The following H4C15 variants were observed in gnomAD, a reference collection of about 807,000 sequenced individuals.
The protein encoded by H4C15 is histone H4.
chr1:149,850,699 T>C (rs1456842649), downstream of H4C15: 2 of 347,962 alleles, frequency 5.7e-6, no homozygotes, highest in Non-Finnish European at 9.8e-6. Context: ...TCTTGCCGTC[T>C]TTCTTCTGGG....
the H4C15 span, chr1:149,848,185 A>G: frequency 6.6e-6 from 1 of 152,212 alleles, no homozygotes; most frequent in East Asian, 1.9e-4. Flanking sequence ...TTAGTCAAGT[A>G]TTAACATTTG....
chr1:149,847,436 G>A, the H4C15 span: 1 of 152,254 alleles, frequency 6.6e-6, no homozygotes, highest in African/African-American at 2.4e-5. Context: ...TTGGAAACAG[G>A]GTCTTTACAG....
At chr1:149,846,038 G>A in the H4C15 span, 4 of 152,026 alleles carry the variant, frequency 2.6e-5, no homozygotes, top group Admixed American at 2.0e-4. Flanking sequence ...AGAGAAGGGG[G>A]TTAGGTTTGT....
chr1:149,849,225 C>A (rs2092158451), downstream of H4C15, among the ~76,000 whole-genome samples: 1 of 152,210 alleles, frequency 6.6e-6, no homozygotes, highest in Non-Finnish European at 1.5e-5. Flanking sequence ...TCCAGCATGT[C>A]ATTTATCCGT....
chr1:149,844,828 A>C, the H4C15 span: 25 of 152,200 alleles, frequency 1.6e-4, no homozygotes, highest in African/African-American at 5.5e-4. Context: ...AAAGCTTTTC[A>C]AAGCTTCATC....
chr1:149,847,257 C>G, the H4C15 span: 1 of 152,156 alleles, frequency 6.6e-6, no homozygotes, highest in Admixed American at 6.5e-5. Context: ...CTGCAAAATC[C>G]TCTTGGCTAT....
At chr1:149,844,702 A>T in the H4C15 span, 6 of 152,046 alleles carry the variant, frequency 3.9e-5, no homozygotes, top group African/African-American at 1.5e-4. Flanking sequence ...AATCCCAAAT[A>T]GTATCTTCCA....
the H4C15 span, chr1:149,847,886 A>T: frequency 2.0e-5 from 3 of 152,234 alleles, no homozygotes; most frequent in Non-Finnish European, 4.4e-5. Flanking sequence ...GAAACCAAAG[A>T]ACAAGTGGGG....
chr1:149,848,203 G>C, the H4C15 span: 1 of 152,110 alleles, frequency 6.6e-6, no homozygotes, highest in African/African-American at 2.4e-5. Context: ...TTGGACATCT[G>C]TTCCAAATAT....
downstream of H4C15, among the ~76,000 whole-genome samples, chr1:149,849,960 C>G (rs782433042): frequency 6.6e-6 from 1 of 152,230 alleles, no homozygotes; most frequent in African/African-American, 2.4e-5. Flanking sequence ...AGAGCGGACC[C>G]AACCTTTGTT....
downstream of H4C15, chr1:149,850,365 G>C: frequency 1.4e-6 from 1 of 721,476 alleles, no homozygotes. Flanking sequence ...GAGGGAGGGA[G>C]CGAGCGAGCG....
chr1:149,849,905 G>T (rs1255651979), downstream of H4C15, among the ~76,000 whole-genome samples: 1 of 152,236 alleles, frequency 6.6e-6, no homozygotes, highest in Non-Finnish European at 1.5e-5. Context: ...GTACACATCT[G>T]AGAGCATACA....
chr1:149,848,730 G>GCACTATAACACTA, the H4C15 span: 1 of 152,194 alleles, frequency 6.6e-6, no homozygotes, highest in African/African-American at 2.4e-5. Context: ...GGAAACACAT[G>GCACTATAACACTA]TGGCAGCACT....
At chr1:149,848,438 C>T in the H4C15 span, 3 of 152,236 alleles carry the variant, frequency 2.0e-5, no homozygotes, top group Non-Finnish European at 4.4e-5. Context: ...TTCTCCCACA[C>T]TGTGTCCTCC....
downstream of H4C15, chr1:149,850,269 A>C: frequency 7.7e-7 from 1 of 1,301,588 alleles, no homozygotes; most frequent in Non-Finnish European, 1.1e-6. Context: ...GACTGACAAC[A>C]CAAGAAAGAT....
downstream of H4C15, chr1:149,850,533 G>A (rs2092173214): frequency 1.3e-6 from 1 of 790,820 alleles, no homozygotes; most frequent in African/African-American, 1.9e-5. Context: ...TAGTGCGCCA[G>A]GCGGGACGCC....
At chr1:149,849,976 A>G (rs1367953742), downstream of H4C15, among the ~76,000 whole-genome samples, 1 of 152,254 alleles carries the variant, frequency 6.6e-6, no homozygotes, top group Non-Finnish European at 1.5e-5. Context: ...TTGTTCATAT[A>G]CACAATTTGA....
the H4C15 span, chr1:149,845,673 T>C: frequency 6.6e-6 from 1 of 152,332 alleles, no homozygotes; most frequent in South Asian, 2.1e-4. Context: ...ATGTAGGCCA[T>C]TAAGGAGCAT....
the H4C15 span, chr1:149,845,348 T>C: frequency 7.2e-4 from 110 of 152,230 alleles, no homozygotes; most frequent in African/African-American, 2.6e-3. Flanking sequence ...AGCAGATAAG[T>C]AAAAATAAGT....
Sources: allele counts gnomAD v4.1 joint callset (sites outside exome capture counted in the v4.1 genomes callset), GRCh38; gene constraint gnomAD v4.1.1; transcripts MANE v1.5; gene names NCBI Gene and HGNC (gene_info 2026-07-23, HGNC 2026-07-21).